The following ADIPOR2 variants were observed in gnomAD, a reference collection of about 807,000 sequenced individuals.
ADIPOR2 encodes adiponectin receptor protein 2.
Under a neutral mutation model 40.9 loss-of-function variants are expected in ADIPOR2, and 18 were observed. That is an observed-to-expected ratio of 0.44 (90% confidence interval 0.30 to 0.65). The LOEUF (loss-of-function observed/expected upper bound fraction) is 0.65. ADIPOR2 is among the 30% of genes least tolerant of loss of function. The probability of loss-of-function intolerance (pLI) is 0.09; values close to 1 mark genes in which losing one functional copy is unlikely to be tolerated. For missense variants in ADIPOR2, 283 were observed against 479.2 expected (o/e 0.59, Z 3.82); for synonymous variants, 165 against 166.4 (o/e 0.99, Z 0.06).
At chr12:1,770,997 T>C (rs1862482900) in intron 2 of ADIPOR2, among the ~76,000 whole-genome samples, 1 of 152,118 alleles carries the variant, frequency 6.6e-6, no homozygotes, top group South Asian at 2.1e-4. Context: ...ATATCTGTGT[T>C]ATTAAAATTC....
intron 1 of ADIPOR2, among the ~76,000 whole-genome samples, chr12:1,719,929 G>A (rs1029008056): frequency 9.2e-5 from 14 of 151,972 alleles, no homozygotes; most frequent in East Asian, 1.9e-4. Context: ...TGTCTGCCCC[G>A]GCCTCCCAAA....
At chr12:1,729,623 T>C (rs1474485275) in intron 1 of ADIPOR2, among the ~76,000 whole-genome samples, 1 of 39,686 alleles carries the variant, frequency 2.5e-5, no homozygotes, top group African/African-American at 5.8e-5. Flanking sequence ...AGTTGTTTTT[T>C]TTTTTTTTTT....
intron 1 of ADIPOR2, among the ~76,000 whole-genome samples, chr12:1,724,989 C>G (rs1364113056): frequency 6.6e-6 from 1 of 152,144 alleles, no homozygotes; most frequent in African/African-American, 2.4e-5. Flanking sequence ...TTAAGAGTCA[C>G]TCTATACCAT....
chr12:1,717,709 G>A lies in ADIPOR2; in HGVS notation c.-87+26518G>A, dbSNP rs555447666. ...AATGAGAATGAAATTCCATCTTAAGGAAAAAAAAAAAATTCAGCTTCTGAA... is the reference window on the plus strand; with the variant it reads ...AATGAGAATGAAATTCCATCTTAAGAAAAAAAAAAAAATTCAGCTTCTGAA... On this transcript the variant is annotated intron_variant, in intron 1 of 7. Transcript: ENST00000357103. Among the ~76,000 whole-genome samples the A allele has an allele frequency of 2.1e-3, 308 of 145,110 alleles. 1 individual carries two copies. The highest frequency in any genetic ancestry group is 0.014 in the Middle Eastern group (4 of 284).
intron 1 of ADIPOR2, among the ~76,000 whole-genome samples, chr12:1,747,865 G>T (rs1294806278): frequency 6.7e-6 from 1 of 150,138 alleles, no homozygotes; most frequent in Non-Finnish European, 1.5e-5. Context: ...CCTTGACTTT[G>T]ACTTTCAACA....
rs1403405179 is a variant in ADIPOR2, at chr12:1,772,890, G to A, written c.220G>A (p.Gly74Ser). ...YSDEAPQEDE[G>S]FMGMSPLLQA... ...TGATGAAGCTCCTCAGGAAGATGAG[G>A]GCTTTATGGGCATGTCCCCTCTCTT... Residue 74 changes from glycine to serine, a missense_variant, in exon 3 of 8, where the codon GGC becomes AGC. Physicochemically the swap from Gly to Ser is moderately conservative, Grantham distance 56. Transcript: ENST00000357103. The A allele has an allele frequency of 3.1e-6, 5 of 1,613,294 alleles. No homozygotes were observed. The African/African-American group carries it at 6.7e-5, about 22-fold the overall frequency.
intron 2 of ADIPOR2, among the ~76,000 whole-genome samples, chr12:1,762,047 G>T (rs1044807164): frequency 6.6e-6 from 1 of 152,110 alleles, no homozygotes; most frequent in South Asian, 2.1e-4. Flanking sequence ...AGCTGCAGCC[G>T]CATTGGCCTT....
intron 1 of ADIPOR2, among the ~76,000 whole-genome samples, chr12:1,720,377 A>G (rs890043530): frequency 2.0e-5 from 3 of 152,174 alleles, no homozygotes; most frequent in Admixed American, 2.0e-4. Flanking sequence ...GGATGATCCA[A>G]GCACATTACA....
intron 2 of ADIPOR2, among the ~76,000 whole-genome samples, chr12:1,765,631 C>G (rs2154443916): frequency 6.6e-6 from 1 of 152,308 alleles, no homozygotes; most frequent in African/African-American, 2.4e-5. Flanking sequence ...CTGATAAACA[C>G]ATCTTGAAGT....
intron 6 of ADIPOR2, among the ~76,000 whole-genome samples, chr12:1,781,951 G>T (rs1592634173): frequency 6.6e-6 from 1 of 152,362 alleles, no homozygotes; most frequent in Non-Finnish European, 1.5e-5. Flanking sequence ...GAGTAGTACA[G>T]TGGTGTTAAG....
At chr12:1,716,727 T>G (rs2094688386) in intron 1 of ADIPOR2, among the ~76,000 whole-genome samples, 1 of 152,232 alleles carries the variant, frequency 6.6e-6, no homozygotes, top group Non-Finnish European at 1.5e-5. Flanking sequence ...TTATTCAGTA[T>G]TTATTTTCAG....
At chr12:1,722,735 A>G (rs2094700250) in intron 1 of ADIPOR2, among the ~76,000 whole-genome samples, 1 of 152,196 alleles carries the variant, frequency 6.6e-6, no homozygotes, top group Admixed American at 6.5e-5. Flanking sequence ...AGTGCATTCT[A>G]AAGTTTAAGA....
At chr12:1,725,222 A>G (rs2094705562) in intron 1 of ADIPOR2, among the ~76,000 whole-genome samples, 2 of 151,928 alleles carry the variant, frequency 1.3e-5, no homozygotes. Flanking sequence ...CCTGGGTTCA[A>G]GTGATTCTCC....
At chr12:1,776,928 G>A (rs766976544) in intron 3 of ADIPOR2, among the ~76,000 whole-genome samples, 8 of 152,188 alleles carry the variant, frequency 5.3e-5, no homozygotes, top group African/African-American at 1.2e-4. Context: ...TAACTGAAGC[G>A]CTATTTTACA....
intron 1 of ADIPOR2, among the ~76,000 whole-genome samples, chr12:1,715,148 C>T (rs1238173670): frequency 6.6e-6 from 1 of 152,030 alleles, no homozygotes; most frequent in Non-Finnish European, 1.5e-5. Flanking sequence ...TGGGGGTAAG[C>T]TGAGAGGTCC....
chr12:1,738,560 G>T (rs1257892244), intron 1 of ADIPOR2, among the ~76,000 whole-genome samples: 1 of 152,130 alleles, frequency 6.6e-6, no homozygotes, highest in East Asian at 1.9e-4. Flanking sequence ...GAATTCCAGA[G>T]CCTAAAATAA....
intron 2 of ADIPOR2, among the ~76,000 whole-genome samples, chr12:1,767,084 A>G (rs1460873492): frequency 1.3e-5 from 2 of 152,114 alleles, no homozygotes; most frequent in Non-Finnish European, 2.9e-5. Context: ...AGCCTGGCCA[A>G]CATGGTGAAA....
intron 1 of ADIPOR2, among the ~76,000 whole-genome samples, chr12:1,742,894 A>C (rs1051673920): frequency 2.6e-5 from 4 of 152,192 alleles, no homozygotes; most frequent in Non-Finnish European, 5.9e-5. Flanking sequence ...GCCTTCTTTT[A>C]CTTTAGGATT....
chr12:1,775,806 G>A (rs1484525962), intron 3 of ADIPOR2, among the ~76,000 whole-genome samples: 1 of 152,156 alleles, frequency 6.6e-6, no homozygotes, highest in African/African-American at 2.4e-5. Context: ...AGACTGCAGA[G>A]GTTGACAGAC....
Sources: allele counts gnomAD v4.1 joint callset (sites outside exome capture counted in the v4.1 genomes callset), GRCh38; gene constraint gnomAD v4.1.1; transcripts MANE v1.5; gene names NCBI Gene and HGNC (gene_info 2026-07-23, HGNC 2026-07-21).